RIDA: variants seen among roughly 807,000 people sequenced by gnomAD.
RIDA encodes 2-iminobutanoate/2-iminopropanoate deaminase.
In RIDA, 17 loss-of-function variants were observed where a neutral mutation model predicts 17.8. The ratio of observed to expected loss-of-function variants is 0.96; its 90% CI spans 0.65 to 1.43. RIDA has a LOEUF of 1.43. Ranked by LOEUF, RIDA falls within the 40% of genes most tolerant of loss-of-function variation. The pLI is 0.00. For synonymous variants in RIDA, 48 were observed against 55.7 expected, an observed-to-expected ratio of 0.86 and a Z score of 0.62; for missense variants, 158 against 161.7, an observed-to-expected ratio of 0.98 and a Z score of 0.12.
chr8:98,104,795 C>T lies in RIDA; in HGVS notation c.296-251G>A, dbSNP rs149356456. 5.4e-4 allele frequency among the ~76,000 whole-genome samples: 82 copies of T among 152,272 alleles called. No individual in the cohort carries two copies. The East Asian group carries it at 0.015, about 28-fold the overall frequency. On this transcript the variant is annotated intron_variant, in intron 4 of 5. Coordinates refer to ENST00000254878, the MANE Select transcript of RIDA (RefSeq NM_005836.3). ...ATGCGATCTCAGCTTACTGCAACCT[C>T]TGTCTCCCATGTTCAAGAGATTCTC... is the stretch of plus-strand genomic sequence containing the variant.
At chr8:98,107,894 C>T (rs754972467) in intron 2 of RIDA, among the ~76,000 whole-genome samples, 12 of 152,050 alleles carry the variant, frequency 7.9e-5, no homozygotes, top group Admixed American at 4.6e-4. Flanking sequence ...CTTAGCCTCC[C>T]GAGTAGCTGG....
chr8:98,105,368 T>A (rs1025655682), intron 4 of RIDA, among the ~76,000 whole-genome samples: 1 of 152,178 alleles, frequency 6.6e-6, no homozygotes, highest in African/African-American at 2.4e-5. Flanking sequence ...CCATTAGGTG[T>A]TGGGGACACC....
intron 1 of RIDA, among the ~76,000 whole-genome samples, chr8:98,110,170 G>A (rs1815703772): frequency 6.6e-6 from 1 of 152,180 alleles, no homozygotes; most frequent in Admixed American, 6.5e-5. Flanking sequence ...AATTTTTTGG[G>A]AGTGATAGAA....
intron 1 of RIDA, among the ~76,000 whole-genome samples, chr8:98,110,901 A>T (rs142184520): frequency 1.1e-3 from 170 of 152,284 alleles, no homozygotes; most frequent in South Asian, 2.9e-3. Context: ...TAAGTGTCTG[A>T]CAGTTCCTCC....
chr8:98,107,629 GCT>G (rs1371932548), intron 2 of RIDA, among the ~76,000 whole-genome samples: 1 of 152,086 alleles, frequency 6.6e-6, no homozygotes, highest in Non-Finnish European at 1.5e-5. Flanking sequence ...ACAGTGTCTT[GCT>G]CTGTGTCCCA....
intron 1 of RIDA, among the ~76,000 whole-genome samples, chr8:98,111,378 C>T (rs1023534111): frequency 2.0e-5 from 3 of 152,022 alleles, no homozygotes; most frequent in Admixed American, 1.3e-4. Flanking sequence ...GAGGCTGAGG[C>T]GGGCAGACCA....
intron 2 of RIDA, among the ~76,000 whole-genome samples, chr8:98,107,646 G>C (rs187976179): frequency 6.6e-6 from 1 of 152,136 alleles, no homozygotes; most frequent in East Asian, 1.9e-4. Context: ...GTCCCAGGCA[G>C]GAGTGCAGTG....
Position 98,102,751 on chromosome 8 carries a change from A to C in RIDA, c.*91T>G, listed in dbSNP as rs1206082251. ...TTTTCATCAAACTCACACTGTCATC[A>C]ATTGTGAAAATTAAAAGGTTAATTA... On this transcript the variant is annotated 3_prime_UTR_variant, in exon 6 of 6. Coordinates refer to ENST00000254878, the MANE Select transcript of RIDA (RefSeq NM_005836.3). 1.2e-6 allele frequency: 1 copy of C among 843,784 alleles called. No individual in the cohort carries two copies. The highest frequency in any genetic ancestry group is 1.7e-5 in the African/African-American group (1 of 59,152). 52.3% of individuals were successfully genotyped at this position (843,784 alleles called of 1,614,324 possible).
At chr8:98,113,192 C>T (rs1815753146) in intron 1 of RIDA, among the ~76,000 whole-genome samples, 1 of 152,168 alleles carries the variant, frequency 6.6e-6, no homozygotes, top group South Asian at 2.1e-4. Flanking sequence ...CAAAGCAATG[C>T]AATGTTGAAA....
rs139447650 is a variant in RIDA, at chr8:98,107,508, A to G, written c.171+1138T>C. ...CACTGCACTCCAGCCTGGGCGACAG[A>G]GCAAGGCTGTCTCAAGAAACAAAAC... On this transcript the variant is annotated intron_variant, in intron 2 of 5. Transcript: ENST00000254878. Among the ~76,000 whole-genome samples, 867 of 152,350 alleles carry G rather than the reference A, an allele frequency of 5.7e-3. 6 individuals are homozygous for G. The highest frequency in any genetic ancestry group is 0.037 in the Middle Eastern group (11 of 294).
At chr8:98,103,703 T>G (rs929643138) in intron 5 of RIDA, among the ~76,000 whole-genome samples, 1 of 151,904 alleles carries the variant, frequency 6.6e-6, no homozygotes, top group African/African-American at 2.4e-5. Context: ...GTGGCGCGAT[T>G]TCGGCTCACT....
chr8:98,111,849 G>T (rs1335971527), intron 1 of RIDA, among the ~76,000 whole-genome samples: 6 of 151,654 alleles, frequency 4.0e-5, no homozygotes, highest in Non-Finnish European at 8.8e-5. Context: ...AATACACAAA[G>T]AATTGCAGTG....
At chr8:98,113,465 T>C (rs1161774402) in intron 1 of RIDA, among the ~76,000 whole-genome samples, 1 of 152,220 alleles carries the variant, frequency 6.6e-6, no homozygotes, top group Non-Finnish European at 1.5e-5. Flanking sequence ...ACATTAACTA[T>C]TGAAAATAAG....
chr8:98,115,474 C>A (rs1189713477), intron 1 of RIDA, among the ~76,000 whole-genome samples: 1 of 150,748 alleles, frequency 6.6e-6, no homozygotes, highest in Non-Finnish European at 1.5e-5. Context: ...GATGACTCTA[C>A]CCCGTTTGAT....
At chr8:98,114,269 A>G (rs1293852320) in intron 1 of RIDA, among the ~76,000 whole-genome samples, 1 of 152,200 alleles carries the variant, frequency 6.6e-6, no homozygotes, top group Non-Finnish European at 1.5e-5. Context: ...ATACAAAATA[A>G]AGTTTATATT....
At chr8:98,112,155 T>C (rs564288362) in intron 1 of RIDA, among the ~76,000 whole-genome samples, 78 of 151,462 alleles carry the variant, frequency 5.1e-4, no homozygotes, top group African/African-American at 1.8e-3. Flanking sequence ...TGAGTCACCA[T>C]TGCTTCTGAT....
chr8:98,106,446 C>G (rs942931044), intron 2 of RIDA, 120 bp from the exon 3 acceptor site: 2 of 787,322 alleles, frequency 2.5e-6, no homozygotes, highest in South Asian at 1.6e-5. Context: ...GAAAAATCCT[C>G]CCTACTCGCT....
At chr8:98,110,486 C>T (rs1447373292) in intron 1 of RIDA, among the ~76,000 whole-genome samples, 1 of 152,174 alleles carries the variant, frequency 6.6e-6, no homozygotes, top group African/African-American at 2.4e-5. Context: ...TCTTGAACTC[C>T]TGACCTCAGG....
At chr8:98,111,742 T>C (rs1815730126) in intron 1 of RIDA, among the ~76,000 whole-genome samples, 5 of 152,210 alleles carry the variant, frequency 3.3e-5, no homozygotes, top group Admixed American at 3.3e-4. Flanking sequence ...TTTCCTCTTT[T>C]ATTTCATGAA....
Sources: gnomAD v4.1 joint callset for allele counts (sites outside exome capture counted in the v4.1 genomes callset) on GRCh38, gnomAD v4.1.1 for gene constraint, MANE v1.5 for transcripts, NCBI Gene and HGNC (gene_info 2026-07-23, HGNC 2026-07-21) for gene names.